BRINP1: variants seen among roughly 807,000 people sequenced by gnomAD.
The protein encoded by BRINP1 is BMP/retinoic acid-inducible neural-specific protein 1.
BRINP1 carries 17 observed loss-of-function variants against 72.9 expected under a neutral mutation model. The ratio of observed to expected loss-of-function variants is 0.23; its 90% confidence interval spans 0.16 to 0.35. The LOEUF is 0.35. Ranked by LOEUF, BRINP1 falls within the 10% of genes least tolerant of loss-of-function variation. BRINP1 has a pLI of 1.00. For synonymous variants in BRINP1, 418 were observed against 378.5 expected, an observed-to-expected ratio of 1.10 and a Z score of -1.21; for missense variants, 850 against 1,001.6, an observed-to-expected ratio of 0.85 and a Z score of 2.04.
At chr9:119,234,098 T>C (rs754963772) in intron 5 of BRINP1, among the ~76,000 whole-genome samples, 16 of 152,316 alleles carry the variant, frequency 1.1e-4, no homozygotes, top group Admixed American at 5.9e-4. Flanking sequence ...ATAGAGTTGC[T>C]GTGAACATTT....
At chr9:119,219,681 GAGAGA>G (rs1830018470) in intron 5 of BRINP1, among the ~76,000 whole-genome samples, 1 of 144,524 alleles carries the variant, frequency 6.9e-6, no homozygotes, top group African/African-American at 2.8e-5. Context: ...GAGAGAGAGA[GAGAGA>G]GAGAGAGAGA....
At chr9:119,356,314 C>T (rs1230498772) in intron 1 of BRINP1, among the ~76,000 whole-genome samples, 2 of 152,214 alleles carry the variant, frequency 1.3e-5, no homozygotes, top group Non-Finnish European at 2.9e-5. Flanking sequence ...ACCAGGCCAT[C>T]TGGTCCACAT....
At chr9:119,365,444 A>C (rs1286753670) in intron 1 of BRINP1, among the ~76,000 whole-genome samples, 1 of 152,228 alleles carries the variant, frequency 6.6e-6, no homozygotes, top group Non-Finnish European at 1.5e-5. Context: ...TTTGTATTTC[A>C]GCAAGGGAAA....
chr9:119,367,968 GGAAA>G (rs1183788697), intron 1 of BRINP1, among the ~76,000 whole-genome samples: 2 of 152,188 alleles, frequency 1.3e-5, no homozygotes, highest in African/African-American at 4.8e-5. Context: ...CCTGAAATGG[GGAAA>G]GAAAGACGAA....
At chr9:119,231,703 C>T (rs1182063947) in intron 5 of BRINP1, among the ~76,000 whole-genome samples, 1 of 152,050 alleles carries the variant, frequency 6.6e-6, no homozygotes, top group African/African-American at 2.4e-5. Context: ...TTACTGCTGT[C>T]TCTGTTTTGA....
chr9:119,278,234 T>C (rs977181187), intron 2 of BRINP1, among the ~76,000 whole-genome samples: 1 of 152,162 alleles, frequency 6.6e-6, no homozygotes, highest in Admixed American at 6.5e-5. Flanking sequence ...GAGCCCCTGC[T>C]CCAGCCCTCC....
chr9:119,253,999 T>C (rs1015465062), intron 2 of BRINP1, among the ~76,000 whole-genome samples: 3 of 152,138 alleles, frequency 2.0e-5, no homozygotes, highest in Admixed American at 6.5e-5. Flanking sequence ...CAGGATTCTG[T>C]GATTTTTACA....
intron 2 of BRINP1, among the ~76,000 whole-genome samples, chr9:119,308,059 G>C (rs1426767619): frequency 6.6e-6 from 1 of 152,182 alleles, no homozygotes; most frequent in East Asian, 1.9e-4. Flanking sequence ...TTCTATACCA[G>C]ATAAAGTACA....
At chr9:119,212,949 C>A (rs558961770) in intron 6 of BRINP1, among the ~76,000 whole-genome samples, 4 of 152,272 alleles carry the variant, frequency 2.6e-5, no homozygotes, top group African/African-American at 9.6e-5. Context: ...TGTAGACAAT[C>A]TAACATCAAG....
chr9:119,191,766 A>G (rs557429707), intron 7 of BRINP1, among the ~76,000 whole-genome samples: 28 of 152,076 alleles, frequency 1.8e-4, no homozygotes, highest in African/African-American at 6.3e-4. Context: ...AGTAATCTCA[A>G]GAAAACCAAA....
chr9:119,303,387 A>T (rs1392944665), intron 2 of BRINP1, among the ~76,000 whole-genome samples: 3 of 151,248 alleles, frequency 2.0e-5, no homozygotes, highest in Admixed American at 6.6e-5. Context: ...TCCCTGAGGG[A>T]CAAATGTCCC....
At chr9:119,185,819 A>G (rs944970703) in intron 7 of BRINP1, among the ~76,000 whole-genome samples, 1 of 152,180 alleles carries the variant, frequency 6.6e-6, no homozygotes, top group Non-Finnish European at 1.5e-5. Context: ...CCAGAAAAGA[A>G]GCCCACGTTG....
intron 1 of BRINP1, among the ~76,000 whole-genome samples, chr9:119,317,523 C>T (rs954583940): frequency 1.3e-5 from 2 of 152,170 alleles, no homozygotes; most frequent in African/African-American, 2.4e-5. Flanking sequence ...ATGCTATGAA[C>T]ACTGTTGAAA....
intron 2 of BRINP1, among the ~76,000 whole-genome samples, chr9:119,304,688 T>C (rs1306104656): frequency 6.6e-6 from 1 of 152,260 alleles, no homozygotes; most frequent in African/African-American, 2.4e-5. Flanking sequence ...AATTGGAGTC[T>C]GTAAGCCTGG....
At chr9:119,174,909 T>C (rs1024829095) in intron 7 of BRINP1, among the ~76,000 whole-genome samples, 14 of 149,920 alleles carry the variant, frequency 9.3e-5, no homozygotes, top group African/African-American at 2.7e-4. Flanking sequence ...TAGGTGGGAA[T>C]TGAACAATGA....
intron 2 of BRINP1, among the ~76,000 whole-genome samples, chr9:119,268,064 G>A (rs892817217): frequency 2.0e-5 from 3 of 152,072 alleles, no homozygotes; most frequent in Non-Finnish European, 4.4e-5. Flanking sequence ...CCAACATGGC[G>A]AAACCCCATC....
chr9:119,357,071 T>C (rs1324781125), intron 1 of BRINP1, among the ~76,000 whole-genome samples: 1 of 152,226 alleles, frequency 6.6e-6, no homozygotes, highest in Non-Finnish European at 1.5e-5. Flanking sequence ...CATTTTTAGA[T>C]AGAAGTCCCA....
intron 1 of BRINP1, among the ~76,000 whole-genome samples, chr9:119,327,340 C>T (rs1831250529): frequency 6.6e-6 from 1 of 152,164 alleles, no homozygotes; most frequent in Non-Finnish European, 1.5e-5. Context: ...TATGTTGTTC[C>T]CCTCCCTGTG....
chr9:119,351,352 C>G (rs183506181), intron 1 of BRINP1, among the ~76,000 whole-genome samples: 2 of 152,188 alleles, frequency 1.3e-5, no homozygotes, highest in East Asian at 1.9e-4. Flanking sequence ...AAGGTTCTTC[C>G]CATATCTATC....
Sources: gnomAD v4.1 joint callset for allele counts (sites outside exome capture counted in the v4.1 genomes callset) on GRCh38, gnomAD v4.1.1 for gene constraint, MANE v1.5 for transcripts, NCBI Gene and HGNC (gene_info 2026-07-23, HGNC 2026-07-21) for gene names.